Variants in COL28A1 observed in about 807,000 individuals in gnomAD.
COL28A1 encodes collagen type XXVIII alpha 1 chain.
Under a neutral mutation model 150.2 loss-of-function variants are expected in COL28A1, and 161 were observed. The ratio of observed to expected loss-of-function variants is 1.07; its 90% CI spans 0.94 to 1.22. COL28A1 has a LOEUF of 1.22. Ranked by LOEUF, COL28A1 falls within the 50% of genes most tolerant of loss-of-function variation. The pLI is 0.00. For synonymous variants in COL28A1, 552 were observed against 469.7 expected, an observed-to-expected ratio of 1.18 and a Z score of -2.26; for missense variants, 1,617 against 1,388.3, an observed-to-expected ratio of 1.16 and a Z score of -2.62.
At chr7:7,479,388 A>C (rs1234485681) in intron 13 of COL28A1, among the ~76,000 whole-genome samples, 1 of 152,248 alleles carries the variant, frequency 6.6e-6, no homozygotes, top group Non-Finnish European at 1.5e-5. Context: ...CTTTGAAATA[A>C]GAATTAAGAA....
intron 27 of COL28A1, among the ~76,000 whole-genome samples, chr7:7,400,975 G>GGGGGGTGTGTGT (rs1160269291): frequency 8.4e-6 from 1 of 119,074 alleles, no homozygotes; most frequent in Non-Finnish European, 1.7e-5. Context: ...TGGGTATTTG[G>GGGGGGTGTGTGT]GTGTGTGTGT....
intron 16 of COL28A1, among the ~76,000 whole-genome samples, chr7:7,455,308 C>A (rs1490233822): frequency 1.3e-5 from 2 of 152,126 alleles, no homozygotes; most frequent in East Asian, 3.8e-4. Flanking sequence ...TGGCAAACAA[C>A]AAAGTATATG....
chr7:7,412,020 G>A (rs1783817177), intron 27 of COL28A1, among the ~76,000 whole-genome samples: 3 of 152,066 alleles, frequency 2.0e-5, no homozygotes, highest in Admixed American at 2.0e-4. Context: ...AATTATGAAT[G>A]GCAATGATTG....
chr7:7,383,886 G>A (rs1340109695), intron 27 of COL28A1, among the ~76,000 whole-genome samples: 1 of 151,706 alleles, frequency 6.6e-6, no homozygotes, highest in African/African-American at 2.4e-5. Flanking sequence ...ACATTCCTAG[G>A]AGGAAACTCT....
Position 7,383,285 on chromosome 7 carries a change from TG to T in COL28A1, c.2137-1674del, listed in dbSNP as rs1562512363. ...GTGTGTGTGTGTGTGTGTGTGTGTG[TG>T]TGTTTTTTTTGAGACAGAGTCTCAC... On this transcript the variant is annotated intron_variant, in intron 27 of 34. Transcript: ENST00000399429. Among the ~76,000 whole-genome samples, 237 of 112,002 alleles carry T rather than the reference TG, an allele frequency of 2.1e-3. 2 individuals carry two copies. Among genetic ancestry groups the T allele is most frequent in the African/African-American group, 6.3e-3 (133 of 21,052 alleles). The allele number at this position is 112,002 out of a possible 152,430, so 73.5% of individuals were successfully genotyped here.
At chr7:7,492,010 G>C (rs573216349) in intron 11 of COL28A1, among the ~76,000 whole-genome samples, 2 of 152,116 alleles carry the variant, frequency 1.3e-5, no homozygotes, top group African/African-American at 2.4e-5. Context: ...TTTATGCTAA[G>C]GAAGATTGCT....
chr7:7,405,905 T>C (rs1268307655), intron 27 of COL28A1, among the ~76,000 whole-genome samples: 1 of 152,128 alleles, frequency 6.6e-6, no homozygotes, highest in Admixed American at 6.6e-5. Context: ...ATCAGATCAA[T>C]CAAGAATTTA....
At chr7:7,507,891 T>C (rs935596244) in intron 9 of COL28A1, among the ~76,000 whole-genome samples, 3 of 152,202 alleles carry the variant, frequency 2.0e-5, no homozygotes, top group African/African-American at 4.8e-5. Context: ...GTGATCAAAG[T>C]GTATGTCTGA....
chr7:7,504,683 G>A (rs904793018), intron 11 of COL28A1, among the ~76,000 whole-genome samples: 1 of 152,166 alleles, frequency 6.6e-6, no homozygotes, highest in Non-Finnish European at 1.5e-5. Flanking sequence ...CTGGGACTCT[G>A]CCTCAGGCAA....
At chr7:7,355,019 A>G (rs573816527), downstream of COL28A1, among the ~76,000 whole-genome samples, 1 of 152,314 alleles carries the variant, frequency 6.6e-6, no homozygotes, top group Admixed American at 6.5e-5. Context: ...TGACAGGCTG[A>G]GCGGAATAAA....
chr7:7,381,356 C>T (rs116691795), intron 28 of COL28A1, among the ~76,000 whole-genome samples, 188 bp downstream of exon 28: 2,302 of 152,276 alleles, frequency 0.015, 53 homozygotes, highest in African/African-American at 0.051. Flanking sequence ...AAGAAAAGGA[C>T]ATTTTATAAA....
chr7:7,397,481 T>G (rs1163745699), intron 27 of COL28A1, among the ~76,000 whole-genome samples: 2 of 152,186 alleles, frequency 1.3e-5, no homozygotes, highest in Non-Finnish European at 2.9e-5. Flanking sequence ...CTTACCACGG[T>G]GGCTTTTGCT....
the COL28A1 span, among the ~76,000 whole-genome samples, chr7:7,543,562 C>G: frequency 6.6e-6 from 1 of 152,106 alleles, no homozygotes; most frequent in East Asian, 1.9e-4. Context: ...TTTCAAATTA[C>G]TAATGTGACA....
At chr7:7,523,402 C>T (rs1781847254) in intron 4 of COL28A1, among the ~76,000 whole-genome samples, 1 of 152,016 alleles carries the variant, frequency 6.6e-6, no homozygotes, top group African/African-American at 2.4e-5. Flanking sequence ...TCATGATCCA[C>T]CTGCCTCGGC....
intron 33 of COL28A1, among the ~76,000 whole-genome samples, chr7:7,363,570 A>G (rs886455391): frequency 7.2e-5 from 11 of 151,954 alleles, no homozygotes; most frequent in Non-Finnish European, 1.3e-4. Flanking sequence ...TGTGGATATC[A>G]AAAAAAAGAA....
chr7:7,448,283 A>C (rs556706531), intron 18 of COL28A1, among the ~76,000 whole-genome samples: 35 of 152,316 alleles, frequency 2.3e-4, no homozygotes, highest in Non-Finnish European at 4.3e-4. Context: ...GATGTACAGG[A>C]AATCTCAAAA....
intron 11 of COL28A1, among the ~76,000 whole-genome samples, chr7:7,502,635 T>C (rs1780597356): frequency 6.6e-6 from 1 of 152,108 alleles, no homozygotes; most frequent in Non-Finnish European, 1.5e-5. Flanking sequence ...TGAAATATAG[T>C]ATTTGAAAAT....
At chr7:7,420,560 T>C (rs1418236179) in intron 25 of COL28A1, among the ~76,000 whole-genome samples, 1 of 152,256 alleles carries the variant, frequency 6.6e-6, no homozygotes, top group Admixed American at 6.5e-5. Context: ...CCACCTTCTG[T>C]ATTCCCAAGA....
chr7:7,465,093 G>A (rs1016696673), intron 15 of COL28A1, among the ~76,000 whole-genome samples: 3 of 150,716 alleles, frequency 2.0e-5, no homozygotes, highest in African/African-American at 4.8e-5. Context: ...AGATACAACC[G>A]GGGGAGGAGC....
Sources: gnomAD v4.1 joint callset for allele counts (sites outside exome capture counted in the v4.1 genomes callset) on GRCh38, gnomAD v4.1.1 for gene constraint, MANE v1.5 for transcripts, NCBI Gene and HGNC (gene_info 2026-07-23, HGNC 2026-07-21) for gene names.